DNAH3: variants seen among roughly 807,000 people sequenced by gnomAD.
DNAH3 encodes dynein axonemal heavy chain 3, also known as axonemal beta dynein heavy chain 3.
DNAH3 carries 332 observed loss-of-function variants against 432.5 expected under a neutral mutation model. The ratio of observed to expected loss-of-function variants is 0.77; its 90% confidence interval spans 0.70 to 0.84. The LOEUF (loss-of-function observed/expected upper bound fraction) is 0.84, where lower values mean the gene tolerates loss of function less well. Among genes scored for constraint, DNAH3 ranks in the 40% least tolerant of loss-of-function variants. The pLI is 0.00. For synonymous variants in DNAH3, 1,956 were observed against 1,900.2 expected, an observed-to-expected ratio of 1.03 and a Z score of -0.76; for missense variants, 4,861 against 5,114.0, an observed-to-expected ratio of 0.95 and a Z score of 1.51.
chr16:21,144,603 A>G (rs1320555735), intron 3 of DNAH3, among the ~76,000 whole-genome samples: 1 of 152,220 alleles, frequency 6.6e-6, no homozygotes, highest in African/African-American at 2.4e-5. Flanking sequence ...AAATTGTAAG[A>G]TAACAAATAC....
chr16:20,970,860 ATTCT>A (rs1003080500), intron 51 of DNAH3, among the ~76,000 whole-genome samples: 24 of 128,790 alleles, frequency 1.9e-4, no homozygotes, highest in East Asian at 1.8e-3. Flanking sequence ...TCTTTTCTCT[ATTCT>A]TTTTTTTTTT....
chr16:21,104,206 G>A (rs1187762489), intron 16 of DNAH3: 7 of 315,138 alleles, frequency 2.2e-5, no homozygotes, highest in Admixed American at 8.9e-5. Flanking sequence ...CTAGTTTTGC[G>A]TTTTTCTCTC....
Position 21,050,119 on chromosome 16 carries a change from C to A in DNAH3, c.4239-101G>T, listed in dbSNP as rs552474343. On this transcript the variant is annotated intron_variant, in intron 29 of 61. Coordinates refer to ENST00000261383, the Ensembl canonical transcript of DNAH3. ...ACTCATACAAATATTTAGGTTAGTG[C>A]AAAAGTGATTGCAGTTTTTGCCATT... 3.0e-5 allele frequency: 25 copies of A among 845,746 alleles called. No individual in the cohort carries two copies. The East Asian group carries it at 6.4e-4, about 22-fold the overall frequency. The allele number at this position is 845,746 out of a possible 1,614,324, so 52.4% of individuals were successfully genotyped here.
intron 38 of DNAH3, among the ~76,000 whole-genome samples, chr16:21,025,544 T>G (rs1441042052): frequency 6.7e-6 from 1 of 149,088 alleles, no homozygotes; most frequent in Non-Finnish European, 1.5e-5. Context: ...ATATAATATA[T>G]TTATAGATAT....
At chr16:20,950,937 C>T (rs2084283068) in intron 56 of DNAH3, among the ~76,000 whole-genome samples, 1 of 151,916 alleles carries the variant, frequency 6.6e-6, no homozygotes, top group East Asian at 1.9e-4. Context: ...ATCCTCCTGC[C>T]TCAGCCTCCT....
chr16:21,087,055 G>C, exon 19 of DNAH3: 1 of 1,613,482 alleles, frequency 6.2e-7, no homozygotes, highest in Non-Finnish European at 8.5e-7. Flanking sequence ...AGTAAGAAGA[G>C]GGGTCCTGAA....
intron 19 of DNAH3, among the ~76,000 whole-genome samples, chr16:21,084,439 T>G (rs2091296532): frequency 6.6e-6 from 1 of 151,988 alleles, no homozygotes; most frequent in Non-Finnish European, 1.5e-5. Context: ...GCTCCCACCT[T>G]AGCTTCCCTA....
chr16:21,126,953 C>CT (rs1394046722), intron 8 of DNAH3, among the ~76,000 whole-genome samples: 1 of 152,046 alleles, frequency 6.6e-6, no homozygotes, highest in Non-Finnish European at 1.5e-5. Flanking sequence ...AGGGCTCCCT[C>CT]TGTTTCTACA....
intron 57 of DNAH3, 139 bp from the exon 58 acceptor site, chr16:20,944,802 C>CACAT (rs61258229): frequency 1.2e-6 from 1 of 812,846 alleles, no homozygotes; most frequent in Non-Finnish European, 2.0e-6. Flanking sequence ...CACACACACA[C>CACAT]GCTGGGAGAA....
intron 57 of DNAH3, among the ~76,000 whole-genome samples, chr16:20,946,942 C>T (rs762519770): frequency 3.1e-4 from 47 of 151,190 alleles, no homozygotes; most frequent in Admixed American, 6.6e-4. Context: ...TTCCCACCTC[C>T]GCCTCCTGAG....
chr16:20,964,153 T>C, exon 53 of DNAH3: 1 of 1,614,206 alleles, frequency 6.2e-7, no homozygotes, highest in Non-Finnish European at 8.5e-7. Flanking sequence ...GGAGAGAACC[T>C]CCAAGATCTT....
intron 5 of DNAH3, chr16:21,140,298 G>A (rs1002893242): frequency 1.1e-5 from 4 of 366,970 alleles, no homozygotes; most frequent in Non-Finnish European, 1.9e-5. Flanking sequence ...AAGGACTCAA[G>A]GTATCAATTT....
intron 51 of DNAH3, among the ~76,000 whole-genome samples, chr16:20,973,556 T>TC (rs1176224218): frequency 6.6e-6 from 1 of 152,196 alleles, no homozygotes. Context: ...CCCGGCCCTA[T>TC]CTGTCATTCT....
chr16:21,110,737 G>C (rs1237802198), intron 14 of DNAH3, among the ~76,000 whole-genome samples: 2 of 152,154 alleles, frequency 1.3e-5, no homozygotes, highest in East Asian at 3.9e-4. Context: ...AAACATGGTG[G>C]CTCACACCTG....
intron 34 of DNAH3, 80 bp downstream of exon 34, chr16:21,037,681 T>C (rs2089238781): frequency 9.8e-6 from 12 of 1,223,938 alleles, no homozygotes; most frequent in African/African-American, 1.5e-5. Flanking sequence ...GAAGAGGGTA[T>C]GGGGAAGGCA....
intron 41 of DNAH3, 103 bp from the exon 42 acceptor site, chr16:21,003,310 G>T (rs1567620466): frequency 1.4e-6 from 1 of 704,886 alleles, no homozygotes; most frequent in Non-Finnish European, 2.4e-6. Context: ...ATGAAAATGT[G>T]TAACTACCAG....
At chr16:20,954,939 T>C in exon 55 of DNAH3, 12 of 1,614,134 alleles carry the variant, frequency 7.4e-6, no homozygotes, top group Non-Finnish European at 1.0e-5. Context: ...ATGGGGTCAT[T>C]GAGGTAGGAG....
At chr16:21,059,867 G>A (rs555917335) in intron 26 of DNAH3, among the ~76,000 whole-genome samples, 7 of 151,264 alleles carry the variant, frequency 4.6e-5, no homozygotes, top group African/African-American at 1.5e-4. Flanking sequence ...AGATTCTTTT[G>A]TCTTAAGCCT....
At chr16:20,993,832 T>G (rs1464031815) in intron 44 of DNAH3, among the ~76,000 whole-genome samples, 3 of 152,130 alleles carry the variant, frequency 2.0e-5, no homozygotes, top group Non-Finnish European at 2.9e-5. Context: ...TACAGGCACA[T>G]GCCACAACAC....
Sources: allele counts gnomAD v4.1 joint callset (sites outside exome capture counted in the v4.1 genomes callset), GRCh38; gene constraint gnomAD v4.1.1; transcripts MANE v1.5; gene names NCBI Gene and HGNC (gene_info 2026-07-23, HGNC 2026-07-21).